The following XPO1 variants were observed in gnomAD, a reference collection of about 807,000 sequenced individuals.
The protein encoded by XPO1 is exportin-1.
A neutral mutation model predicts 133.3 loss-of-function variants in XPO1; 5 were observed. The observed-to-expected ratio is 0.04, with a 90% CI of 0.02 to 0.08. The LOEUF (loss-of-function observed/expected upper bound fraction) is 0.08, where lower values mean the gene tolerates loss of function less well. Ranked by LOEUF, XPO1 falls within the 10% of genes least tolerant of loss-of-function variation. XPO1 has a pLI of 1.00. For missense variants in XPO1, 506 were observed against 1,267.5 expected (o/e 0.40, Z 9.12); for synonymous variants, 419 against 408.2 (o/e 1.03, Z -0.32).
At chr2:61,491,459 A>AACACACACACAC (rs61072503) in intron 16 of XPO1, among the ~76,000 whole-genome samples, 2,166 of 142,972 alleles carry the variant, frequency 0.015, 21 homozygotes, top group African/African-American at 0.027. Flanking sequence ...TCAAAAAACA[A>AACACACACACAC]ACACACACAC....
At chr2:61,523,546 A>G (rs1159505352) in intron 3 of XPO1, among the ~76,000 whole-genome samples, 1 of 152,220 alleles carries the variant, frequency 6.6e-6, no homozygotes, top group African/African-American at 2.4e-5. Flanking sequence ...AAAAGGGACA[A>G]AACCGTTGTG....
chr2:61,524,823 C>T (rs1459721990), intron 3 of XPO1, among the ~76,000 whole-genome samples: 1 of 152,104 alleles, frequency 6.6e-6, no homozygotes, highest in East Asian at 1.9e-4. Flanking sequence ...AAAGTTGAGG[C>T]AGAAATGTCA....
chr2:61,507,343 A>G (rs548053365), intron 4 of XPO1, among the ~76,000 whole-genome samples: 1 of 151,880 alleles, frequency 6.6e-6, no homozygotes, highest in South Asian at 2.1e-4. Context: ...GAAGGCTGAC[A>G]TGGGAGGAGG....
At chr2:61,496,807 ACT>A in intron 10 of XPO1, 70 bp downstream of exon 10, 1 of 1,345,186 alleles carries the variant, frequency 7.4e-7, no homozygotes, top group Non-Finnish European at 9.7e-7. Context: ...TTCTAAAATA[ACT>A]CATTTGGAAT....
At chr2:61,502,989 G>C (rs936321695) in intron 4 of XPO1, among the ~76,000 whole-genome samples, 1 of 139,770 alleles carries the variant, frequency 7.2e-6, no homozygotes, top group Non-Finnish European at 1.5e-5. Context: ...TTTTTGAGAC[G>C]GAGTCCTGTT....
At position 61,488,867 on chromosome 2, in the gene XPO1, C is replaced by G. The variant is rs1696820722; in HGVS notation, c.2023-96G>C. 6 of 1,325,038 alleles carry G rather than the reference C, an allele frequency of 4.5e-6. No individual in the cohort carries two copies. The South Asian group carries it at 8.2e-5, about 18-fold the overall frequency. 82.1% of individuals were successfully genotyped at this position (1,325,038 alleles called of 1,614,324 possible). On this transcript the variant is annotated intron_variant, in intron 17 of 24. Coordinates refer to ENST00000401558, the MANE Select transcript of XPO1 (RefSeq NM_003400.4). Reference sequence around the variant, plus strand: ...CTGTAATCCCAGCACTCTGAGAGGCCGAGGCGGGCGGATGATGAGTTCAGG... The same window carrying G: ...CTGTAATCCCAGCACTCTGAGAGGCGGAGGCGGGCGGATGATGAGTTCAGG...
chr2:61,488,031 A>T, intron 19 of XPO1, 134 bp downstream of exon 19: 2 of 741,074 alleles, frequency 2.7e-6, no homozygotes, highest in South Asian at 3.6e-5. Context: ...AAGGACTACA[A>T]TAAATAAAAT....
intron 1 of XPO1, among the ~76,000 whole-genome samples, chr2:61,535,728 G>A (rs1016346195): frequency 6.6e-6 from 1 of 152,086 alleles, no homozygotes; most frequent in African/African-American, 2.4e-5. Flanking sequence ...AAACTGATGA[G>A]ACTTCAAAAC....
intron 4 of XPO1, among the ~76,000 whole-genome samples, chr2:61,511,966 C>T (rs753271072): frequency 3.9e-5 from 6 of 152,010 alleles, no homozygotes; most frequent in Non-Finnish European, 7.4e-5. Flanking sequence ...GACGGGGTTT[C>T]ACCATGTTGG....
intron 2 of XPO1, among the ~76,000 whole-genome samples, chr2:61,529,814 A>AT (rs1368441376): frequency 6.6e-6 from 1 of 152,210 alleles, no homozygotes; most frequent in African/African-American, 2.4e-5. Flanking sequence ...TACACACTCA[A>AT]TAACTTATAT....
chr2:61,482,975 C>T lies in XPO1; in HGVS notation c.2794G>A (p.Asp932Asn). Residue 932 changes from aspartate (D) to asparagine (N), a missense_variant, in exon 22 of 25, where the codon GAC becomes AAC. Physicochemically the swap from Asp to Asn is conservative, Grantham distance 23. This residue lies in a region of XPO1 where 203 missense variants were observed against 365.9 expected (regional missense o/e 0.55). Coordinates refer to ENST00000401558, the MANE Select transcript of XPO1 (RefSeq NM_003400.4). ...ILQHIFSVVT[D>N]TSHTAGLTMH... ...TTCTTACCAGCAGTATGTGAAGTGT[C>T]TGTCACAACAGAAAAGATATGCTGG... 1.2e-6 allele frequency: 2 copies of T among 1,613,412 alleles called. No homozygotes were observed. Among genetic ancestry groups the T allele is most frequent in the Non-Finnish European group, 1.7e-6 (2 of 1,179,900 alleles).
In XPO1 at chr2:61,498,758, G is replaced by A. The variant is rs1300617385; in HGVS notation, c.674C>T (p.Thr225Ile). ...CAGAAATCTGAGCAATGTTTCCAAG[G>A]TTGCATGTACAAGTGGAGCATTTTG... ...NSQNAPLVHA[T>I]LETLLRFLNW... The change falls in exon 9 of 25, where the codon ACC becomes ATC. Residue 225 changes from threonine (T) to isoleucine (I), a missense_variant. Thr to Ile is a moderately conservative substitution (Grantham distance 89). Around this residue, in one of 6 missense-constraint regions of XPO1, gnomAD observed 134 missense variants for 261.6 expected, o/e 0.51. Transcript: ENST00000401558. The A allele has an allele frequency of 6.2e-7, 1 of 1,614,000 alleles. No individual in the cohort carries two copies. Among genetic ancestry groups the A allele is most frequent in the Admixed American group, 1.7e-5 (1 of 60,002 alleles).
chr2:61,516,301 G>T (rs888770681), intron 4 of XPO1, among the ~76,000 whole-genome samples: 1 of 150,412 alleles, frequency 6.6e-6, no homozygotes, highest in African/African-American at 2.5e-5. Context: ...GCGAAACTCC[G>T]CCTCGAAAAA....
intron 9 of XPO1, among the ~76,000 whole-genome samples, chr2:61,497,374 G>A (rs1461306062): frequency 6.6e-6 from 1 of 152,068 alleles, no homozygotes; most frequent in East Asian, 1.9e-4. Flanking sequence ...ACCACGCCCG[G>A]CTAATTTTTG....
chr2:61,503,450 A>T (rs1462791071), intron 4 of XPO1, among the ~76,000 whole-genome samples: 1 of 149,978 alleles, frequency 6.7e-6, no homozygotes, highest in South Asian at 2.1e-4. Context: ...TTTGAGACAG[A>T]ATCTCGCTCT....
intron 6 of XPO1, among the ~76,000 whole-genome samples, chr2:61,501,735 A>G (rs949348624): frequency 2.0e-4 from 26 of 127,984 alleles, no homozygotes; most frequent in Non-Finnish European, 3.6e-4. Context: ...AAAAAAAAAA[A>G]AAGAAAAGAA....
At chr2:61,518,393 A>AC (rs1553413391) in intron 4 of XPO1, among the ~76,000 whole-genome samples, 6 of 124,450 alleles carry the variant, frequency 4.8e-5, no homozygotes, top group African/African-American at 2.2e-4. Context: ...TCTACTAAAA[A>AC]AAAAAACAAA....
intron 21 of XPO1, 125 bp downstream of exon 21, chr2:61,483,812 A>G (rs1243213144): frequency 8.3e-6 from 9 of 1,090,146 alleles, no homozygotes; most frequent in Non-Finnish European, 1.2e-5. Context: ...GGATTTTCTC[A>G]GATGTTCATA....
chr2:61,488,750 G>A lies in XPO1; in HGVS notation c.2044C>T (p.Pro682Ser), dbSNP rs777247294. The A allele has an allele frequency of 6.2e-7, 1 of 1,613,612 alleles. No individual in the cohort carries two copies. The highest frequency in any genetic ancestry group is 8.5e-7 in the Non-Finnish European group (1 of 1,179,892). ...ATKNVDILKD[P>S]ETVKQLGSIL... The stretch of plus-strand genomic sequence containing the variant: ...CTACCAAGCTGCTTGACTGTTTCAG[G>A]ATCTTTCAGTATATCCACATTCTTG... The change falls in exon 18 of 25, where the codon CCT (proline) becomes TCT (serine). Residue 682 changes from proline to serine, a missense_variant. This residue lies in a region of XPO1 where 60 missense variants were observed against 211.0 expected (regional missense o/e 0.28). Transcript: ENST00000401558.
Sources: allele counts gnomAD v4.1 joint callset (sites outside exome capture counted in the v4.1 genomes callset), GRCh38; gene constraint gnomAD v4.1.1; regional missense constraint gnomAD v4.1.1; transcripts MANE v1.5; gene names NCBI Gene and HGNC (gene_info 2026-07-23, HGNC 2026-07-21).